The following UGGT2 variants were observed in gnomAD, a reference collection of about 807,000 sequenced individuals.
UGGT2 encodes the protein UDP-glucose:glycoprotein glucosyltransferase 2.
Under a neutral mutation model 192.1 loss-of-function variants are expected in UGGT2, and 180 were observed. That is an observed-to-expected ratio of 0.94 (90% CI 0.83 to 1.06). UGGT2 has a LOEUF of 1.06. UGGT2 is among the 50% of genes least tolerant of loss of function. UGGT2 has a pLI of 0.00. For synonymous variants in UGGT2, 580 were observed against 591.0 expected, an observed-to-expected ratio of 0.98 and a Z score of 0.27; for missense variants, 1,849 against 1,795.7, an observed-to-expected ratio of 1.03 and a Z score of -0.54.
At position 95,890,850 on chromosome 13, in the gene UGGT2, A is replaced by G. The variant is rs1289603398; in HGVS notation, c.2958+12T>C. The G allele has an allele frequency of 1.9e-6, 3 of 1,591,040 alleles. No homozygotes were observed. The highest frequency in any genetic ancestry group is 4.5e-5 in the East Asian group (2 of 44,634). Reference sequence around the variant, plus strand: ...AAAACAAAAACATTTAGTCTAATTTATATTATCTTACAACCAACAACTGTG... The same window carrying G: ...AAAACAAAAACATTTAGTCTAATTTGTATTATCTTACAACCAACAACTGTG... On this transcript the variant is annotated intron_variant, in intron 25 of 38. Coordinates refer to ENST00000376747, the MANE Select transcript of UGGT2 (RefSeq NM_020121.4).
At chr13:95,959,434 C>G (rs1055963884) in intron 12 of UGGT2, among the ~76,000 whole-genome samples, 1 of 152,178 alleles carries the variant, frequency 6.6e-6, no homozygotes, top group African/African-American at 2.4e-5. Context: ...CTGCTGCCCA[C>G]CAACCATAGC....
intron 1 of UGGT2, among the ~76,000 whole-genome samples, chr13:96,050,173 C>T (rs891467641): frequency 1.8e-4 from 28 of 152,134 alleles, no homozygotes; most frequent in African/African-American, 6.5e-4. Flanking sequence ...AGAAATAATA[C>T]CACACATCTA....
At chr13:95,934,886 C>T (rs2049409297) in intron 17 of UGGT2, among the ~76,000 whole-genome samples, 1 of 152,166 alleles carries the variant, frequency 6.6e-6, no homozygotes, top group African/African-American at 2.4e-5. Context: ...TATTATTGCG[C>T]AGCTGCCTTA....
intron 22 of UGGT2, among the ~76,000 whole-genome samples, chr13:95,900,357 ATAC>A (rs1478620060): frequency 2.0e-5 from 3 of 152,152 alleles, no homozygotes; most frequent in Non-Finnish European, 4.4e-5. Flanking sequence ...TTATTAATAA[ATAC>A]TACATGGCAA....
chr13:95,988,310 T>C (rs1357280905), intron 8 of UGGT2, among the ~76,000 whole-genome samples: 1 of 152,138 alleles, frequency 6.6e-6, no homozygotes, highest in African/African-American at 2.4e-5. Context: ...GTACAAGTGA[T>C]AAAGCCTGGC....
chr13:95,947,106 A>G lies in UGGT2; in HGVS notation c.1608T>C (p.Ala536=). 1 of 1,611,884 alleles carries G rather than the reference A, an allele frequency of 6.2e-7. No individual in the cohort carries two copies. Among genetic ancestry groups the G allele is most frequent in the Non-Finnish European group, 8.5e-7 (1 of 1,179,386 alleles). ...EVDGANDAGV[A]LWRAFNYIAE... is the part of the protein sequence containing the mutation. ...CAATATAGTTGAAAGCTCGCCAGAG[A>G]GCAACTCCAGCATCATTTGCTCCAT... is the stretch of plus-strand genomic sequence containing the variant. The change falls in exon 15 of 39, where the codon GCT becomes GCC. Residue 536 remains alanine, a synonymous_variant. Transcript: ENST00000376747.
intron 13 of UGGT2, among the ~76,000 whole-genome samples, chr13:95,948,894 TA>T (rs1372178716): frequency 6.6e-6 from 1 of 152,184 alleles, no homozygotes; most frequent in African/African-American, 2.4e-5. Flanking sequence ...AGGAGGTAAT[TA>T]AATCATGGAG....
At chr13:95,927,619 C>T (rs962733266) in intron 17 of UGGT2, among the ~76,000 whole-genome samples, 9 of 151,904 alleles carry the variant, frequency 5.9e-5, no homozygotes, top group African/African-American at 1.7e-4. Context: ...TTAATTAACT[C>T]ACTGAATTTT....
chr13:95,867,413 T>A lies in UGGT2; in HGVS notation c.3484A>T (p.Thr1162Ser), dbSNP rs776703852. The A allele has an allele frequency of 4.4e-6, 7 of 1,605,848 alleles. No individual in the cohort carries two copies. The highest frequency in any genetic ancestry group is 5.9e-6 in the Non-Finnish European group (7 of 1,177,340). The change falls in exon 30 of 39, where the codon ACT (threonine) becomes TCT (serine). Residue 1162 changes from threonine (T) to serine (S), a missense_variant. Coordinates refer to ENST00000376747, the MANE Select transcript of UGGT2 (RefSeq NM_020121.4). ...TCTTCTAGGTCTGCTTGAGAGTCAG[T>A]TCCTTCATGCCTAAAAGTAGAAAAA... is the stretch of plus-strand genomic sequence containing the variant. ...DIYQIVGHEG[T>S]DSQADLEDII...
At chr13:95,899,321 A>G (rs2140275909) in intron 22 of UGGT2, among the ~76,000 whole-genome samples, 1 of 152,320 alleles carries the variant, frequency 6.6e-6, no homozygotes, top group South Asian at 2.1e-4. Flanking sequence ...CCTTATCAGT[A>G]AGGGTGCTGT....
intron 7 of UGGT2, among the ~76,000 whole-genome samples, chr13:95,994,222 T>C (rs925695754): frequency 1.3e-5 from 2 of 151,958 alleles, no homozygotes; most frequent in Admixed American, 6.6e-5. Flanking sequence ...GTCAAATTTA[T>C]CATATGAAAA....
At chr13:95,929,718 T>A (rs961525262) in intron 17 of UGGT2, among the ~76,000 whole-genome samples, 1 of 152,242 alleles carries the variant, frequency 6.6e-6, no homozygotes, top group African/African-American at 2.4e-5. Context: ...TGATTCTACA[T>A]CTTTGCTATT....
chr13:95,948,076 C>G lies in UGGT2; in HGVS notation c.1461G>C (p.Leu487=), dbSNP rs2049936196. The G allele has an allele frequency of 6.2e-7, 1 of 1,611,604 alleles. No individual in the cohort carries two copies. The highest frequency in any genetic ancestry group is 1.3e-5 in the African/African-American group (1 of 74,800). Residue 487 remains leucine, a synonymous_variant, in exon 14 of 39, where the codon CTG becomes CTC. Transcript: ENST00000376747. ...TATATTCTTGGGCCGGATCAATAAA[C>G]AGAACCTAAAAGAAAGATAGTATAT... ...SIRRNFHNLV[L]FIDPAQEYTL...
At chr13:95,836,595 G>C (rs1391002954) in intron 37 of UGGT2, among the ~76,000 whole-genome samples, 1 of 152,152 alleles carries the variant, frequency 6.6e-6, no homozygotes, top group Non-Finnish European at 1.5e-5. Flanking sequence ...GTGTGTCTCA[G>C]GCAGACAGTG....
intron 38 of UGGT2, chr13:95,832,600 TCA>T (rs1247301877): frequency 8.4e-6 from 3 of 358,530 alleles, no homozygotes; most frequent in Non-Finnish European, 1.1e-5. Flanking sequence ...GCTCAAATTT[TCA>T]CATTTAGGAA....
At chr13:95,921,289 C>T (rs2048837038) in intron 20 of UGGT2, among the ~76,000 whole-genome samples, 1 of 150,824 alleles carries the variant, frequency 6.6e-6, no homozygotes, top group Non-Finnish European at 1.5e-5. Context: ...TAGCAAACCA[C>T]CATAGCATAC....
intron 24 of UGGT2, among the ~76,000 whole-genome samples, chr13:95,892,484 A>G (rs2047830091): frequency 6.6e-6 from 1 of 152,128 alleles, no homozygotes; most frequent in Admixed American, 6.6e-5. Context: ...GTGACAGTTA[A>G]TTAATTATTA....
intron 2 of UGGT2, among the ~76,000 whole-genome samples, chr13:96,028,547 A>G (rs2052734126): frequency 6.6e-6 from 1 of 152,250 alleles, no homozygotes; most frequent in Admixed American, 6.5e-5. Context: ...TGAAGCATCA[A>G]TAAATATGTA....
chr13:95,821,429 G>A (rs902407682), intron 38 of UGGT2, among the ~76,000 whole-genome samples: 1 of 151,870 alleles, frequency 6.6e-6, no homozygotes, highest in African/African-American at 2.4e-5. Flanking sequence ...ACGTTTGATG[G>A]GATTATTTTT....
Sources: allele counts gnomAD v4.1 joint callset (sites outside exome capture counted in the v4.1 genomes callset), GRCh38; gene constraint gnomAD v4.1.1; transcripts MANE v1.5; gene names NCBI Gene and HGNC (gene_info 2026-07-23, HGNC 2026-07-21).